Variants in LRMDA observed in about 807,000 individuals in gnomAD.
LRMDA encodes the protein leucine-rich melanocyte differentiation-associated protein.
A neutral mutation model predicts 29.8 loss-of-function variants in LRMDA; 18 were observed. That is an observed-to-expected ratio of 0.60 (90% confidence interval 0.42 to 0.90). The LOEUF is 0.90. LRMDA is among the 40% of genes least tolerant of loss of function. LRMDA has a pLI of 0.00. For synonymous variants in LRMDA, 125 were observed against 109.4 expected (o/e 1.14, Z -0.89); for missense variants, 273 against 273.9 (o/e 1.00, Z 0.02).
intron 5 of LRMDA, among the ~76,000 whole-genome samples, chr10:76,294,073 T>C (rs1453901181): frequency 6.6e-6 from 1 of 152,172 alleles, no homozygotes; most frequent in Non-Finnish European, 1.5e-5. Context: ...ACAAGCTGGG[T>C]GTTCTGATAT....
In LRMDA at chr10:76,281,836, G is replaced by T. The variant is rs536110118; in HGVS notation, c.517-42565G>T. On this transcript the variant is annotated intron_variant, in intron 5 of 6. Coordinates refer to ENST00000611255, the MANE Select transcript of LRMDA (RefSeq NM_001305581.2). The stretch of plus-strand genomic sequence containing the variant: ...TTTTTTGTGTGTAGGAAGGTGGGGG[G>T]CAGTGATAAACAGGTCTTGGCCTGT... 5.9e-5 allele frequency among the ~76,000 whole-genome samples: 9 copies of T among 152,214 alleles called. No individual in the cohort carries two copies. In the South Asian group the frequency reaches 1.9e-3, roughly 32 times the overall value.
chr10:75,571,935 C>G (rs996456981), intron 2 of LRMDA, among the ~76,000 whole-genome samples: 6 of 152,096 alleles, frequency 3.9e-5, no homozygotes, highest in African/African-American at 1.4e-4. Flanking sequence ...TTTTTAAACT[C>G]TTAACATTCC....
At chr10:76,429,351 A>C (rs1216647810) in intron 6 of LRMDA, among the ~76,000 whole-genome samples, 2 of 152,162 alleles carry the variant, frequency 1.3e-5, no homozygotes, top group Non-Finnish European at 2.9e-5. Flanking sequence ...ATAATATGAT[A>C]ATATGTCTTC....
At chr10:76,422,396 G>T (rs1474195383) in intron 6 of LRMDA, among the ~76,000 whole-genome samples, 1 of 151,806 alleles carries the variant, frequency 6.6e-6, no homozygotes, top group Non-Finnish European at 1.5e-5. Flanking sequence ...GGGAGCATTG[G>T]TCTTCAGCCA....
chr10:75,844,886 A>G (rs1844606351), intron 2 of LRMDA, among the ~76,000 whole-genome samples: 1 of 152,224 alleles, frequency 6.6e-6, no homozygotes, highest in Non-Finnish European at 1.5e-5. Flanking sequence ...AATTTTATGA[A>G]CAATGGATAT....
chr10:76,463,229 A>G (rs145829175), intron 6 of LRMDA, among the ~76,000 whole-genome samples: 114 of 152,330 alleles, frequency 7.5e-4, no homozygotes, highest in African/African-American at 2.6e-3. Flanking sequence ...CACAACTTCA[A>G]TACTGTAATT....
chr10:75,655,963 C>T (rs1432858868), intron 2 of LRMDA, among the ~76,000 whole-genome samples: 1 of 152,152 alleles, frequency 6.6e-6, no homozygotes, highest in Non-Finnish European at 1.5e-5. Flanking sequence ...CTGGAGCTCC[C>T]CTCATGTGAC....
chr10:76,100,923 C>T (rs1008416501), intron 5 of LRMDA, among the ~76,000 whole-genome samples: 14 of 152,226 alleles, frequency 9.2e-5, no homozygotes, highest in African/African-American at 3.1e-4. Flanking sequence ...TCTGCAGTTC[C>T]AGGGATTCTA....
intron 6 of LRMDA, among the ~76,000 whole-genome samples, chr10:76,387,083 C>T (rs1048121779): frequency 8.5e-5 from 13 of 152,096 alleles, no homozygotes; most frequent in Non-Finnish European, 1.8e-4. Context: ...TTACATCTTT[C>T]TTTTTAGAAG....
intron 2 of LRMDA, among the ~76,000 whole-genome samples, chr10:75,591,222 GA>G (rs1840721013): frequency 6.6e-6 from 1 of 152,096 alleles, no homozygotes; most frequent in Non-Finnish European, 1.5e-5. Context: ...AAAACAAAAT[GA>G]AGACTGCCCC....
intron 2 of LRMDA, among the ~76,000 whole-genome samples, chr10:75,987,581 T>C (rs1422388926): frequency 6.6e-6 from 1 of 152,234 alleles, no homozygotes; most frequent in Non-Finnish European, 1.5e-5. Flanking sequence ...GTATTATGGT[T>C]AGTGGGCTGG....
At chr10:76,523,991 T>C (rs1843148282) in intron 6 of LRMDA, among the ~76,000 whole-genome samples, 1 of 152,344 alleles carries the variant, frequency 6.6e-6, no homozygotes. Context: ...GAATTACAGA[T>C]GAACATTGAC....
rs113803733 is a variant in LRMDA at position 76,540,453 on chromosome 10, C to G, written c.602-16756C>G. ...ACAAAAGATTTAATAACATTTACAT[C>G]TGTGTATCAGCCATGTCTGTAATGC... On this transcript the variant is annotated intron_variant, in intron 6 of 6. Coordinates refer to ENST00000611255, the MANE Select transcript of LRMDA (RefSeq NM_001305581.2). 7.6e-3 allele frequency among the ~76,000 whole-genome samples: 1,161 copies of G among 152,326 alleles called. 12 individuals carry two copies. The highest frequency in any genetic ancestry group is 0.027 in the African/African-American group (1,104 of 41,572).
intron 2 of LRMDA, among the ~76,000 whole-genome samples, chr10:75,924,863 G>T (rs1401882429): frequency 6.6e-6 from 1 of 152,168 alleles, no homozygotes; most frequent in Admixed American, 6.5e-5. Context: ...CTTTTCTCAA[G>T]GGCCAACAAA....
chr10:76,257,075 G>A (rs1488341265), intron 5 of LRMDA, among the ~76,000 whole-genome samples: 2 of 152,064 alleles, frequency 1.3e-5, no homozygotes, highest in Non-Finnish European at 2.9e-5. Flanking sequence ...ACCATGAAGT[G>A]TACTATTTTG....
At chr10:75,559,549 A>T (rs9702778) in intron 2 of LRMDA, among the ~76,000 whole-genome samples, 110,318 of 145,552 alleles carry the variant, frequency 0.76, 42,083 homozygotes, top group East Asian at 0.85. Flanking sequence ...AGATCCCATT[A>T]GTCAATTTTG....
chr10:75,585,523 A>G (rs1422758503), intron 2 of LRMDA, among the ~76,000 whole-genome samples: 1 of 152,220 alleles, frequency 6.6e-6, no homozygotes, highest in Non-Finnish European at 1.5e-5. Context: ...ACTGGGTCAT[A>G]AAGTATGTGC....
intron 6 of LRMDA, among the ~76,000 whole-genome samples, chr10:76,517,619 T>A (rs909619308): frequency 1.3e-5 from 2 of 152,000 alleles, no homozygotes; most frequent in African/African-American, 4.8e-5. Context: ...AGGTATAAAT[T>A]ATCCTGGAAG....
intron 5 of LRMDA, among the ~76,000 whole-genome samples, chr10:76,062,612 G>A (rs958537911): frequency 4.0e-5 from 6 of 151,288 alleles, no homozygotes; most frequent in Admixed American, 2.0e-4. Context: ...TCATTAGGAA[G>A]TGATAGCTGA....
Sources: allele counts gnomAD v4.1 joint callset (sites outside exome capture counted in the v4.1 genomes callset), GRCh38; gene constraint gnomAD v4.1.1; transcripts MANE v1.5; gene names NCBI Gene and HGNC (gene_info 2026-07-23, HGNC 2026-07-21).